MMP28: variants seen among roughly 807,000 people sequenced by gnomAD.
MMP28 encodes matrix metallopeptidase 28.
Under a neutral mutation model 60.5 loss-of-function variants are expected in MMP28, and 55 were observed. That is an observed-to-expected ratio of 0.91 (90% CI 0.73 to 1.14). MMP28 has a LOEUF of 1.14. Ranked by LOEUF, MMP28 falls within the 50% of genes most tolerant of loss-of-function variation. MMP28 has a pLI of 0.00. For missense variants in MMP28, 686 were observed against 738.3 expected (o/e 0.93, Z 0.82); for synonymous variants, 318 against 312.5 (o/e 1.02, Z -0.18).
chr17:35,756,832 A>C (rs1555600581), intron 2 of MMP28, among the ~76,000 whole-genome samples: 1 of 152,088 alleles, frequency 6.6e-6, no homozygotes. Flanking sequence ...GAGGACTCAG[A>C]ATAAGTCATA....
At chr17:35,790,949 C>G (rs1207595303) in intron 1 of MMP28, among the ~76,000 whole-genome samples, 3 of 151,134 alleles carry the variant, frequency 2.0e-5, no homozygotes, top group African/African-American at 7.3e-5. Context: ...AGGCTGCTCT[C>G]AAACTCCTCG....
Position 35,779,327 on chromosome 17 carries a change from CG to C in MMP28, c.112-5del. 1 of 1,609,898 alleles carries C rather than the reference CG, an allele frequency of 6.2e-7. No individual in the cohort carries two copies. Among genetic ancestry groups the C allele is most frequent in the Non-Finnish European group, 8.5e-7 (1 of 1,177,966 alleles). On this transcript the variant is annotated splice_region_variant and splice_polypyrimidine_tract_variant and intron_variant, in intron 1 of 7. Coordinates refer to ENST00000605424, the MANE Select transcript of MMP28 (RefSeq NM_024302.5). ...ATCCGTACTTCTCTAGGAATGCCTG[CG>C]GGAGAGAGGAATATCTGCTTTTTCC...
chr17:35,760,889 C>G (rs1227302619), downstream of MMP28: 4 of 1,610,630 alleles, frequency 2.5e-6, no homozygotes, highest in African/African-American at 5.3e-5. Context: ...TTCTGGGCAC[C>G]CTCTCACATC....
chr17:35,761,602 T>C (rs2085822627), downstream of MMP28, among the ~76,000 whole-genome samples: 1 of 151,988 alleles, frequency 6.6e-6, no homozygotes, highest in East Asian at 1.9e-4. Context: ...AACATCTGCT[T>C]CATCATCTCC....
Position 35,795,295 on chromosome 17 carries a change from C to G in MMP28, c.83G>C (p.Gly28Ala), listed in dbSNP as rs1488963679. 1.4e-6 allele frequency: 2 copies of G among 1,464,192 alleles called. No individual in the cohort carries two copies. Among genetic ancestry groups the G allele is most frequent in the African/African-American group, 2.9e-5 (2 of 68,288 alleles). 90.7% of individuals were successfully genotyped at this position (1,464,192 alleles called of 1,614,324 possible). Residue 28 changes from glycine to alanine, a missense_variant, in exon 1 of 8, where the codon GGA becomes GCA. Transcript: ENST00000605424. Reference protein sequence around the residue: ...GHLDAQPAERGGQELRKEAEA... With the variant: ...GHLDAQPAERAGQELRKEAEA... ...CGCCTCCTTGCGCAGCTCCTGGCCTCCGCGCTCCGCGGGCTGGGCGTCCAG... is the reference window on the plus strand; with the variant it reads ...CGCCTCCTTGCGCAGCTCCTGGCCTGCGCGCTCCGCGGGCTGGGCGTCCAG...
chr17:35,791,738 A>G (rs1428340483), intron 1 of MMP28, among the ~76,000 whole-genome samples: 1 of 152,160 alleles, frequency 6.6e-6, no homozygotes, highest in African/African-American at 2.4e-5. Context: ...CCAGACTGCC[A>G]ATATCTTCCA....
In MMP28 at chr17:35,770,049, C is replaced by A; in HGVS notation, c.850+18G>T. On this transcript the variant is annotated intron_variant, in intron 5 of 7. Transcript: ENST00000605424. ...GGCAGGAGTGGGACCAAGAGCGGGG[C>A]ATGTCCCGGGGCCTCACCATACAGG... is the stretch of plus-strand genomic sequence containing the variant. The A allele has an allele frequency of 1.3e-6, 2 of 1,530,882 alleles. No individual in the cohort carries two copies. The highest frequency in any genetic ancestry group is 1.3e-5 in the South Asian group (1 of 78,200). 94.8% of individuals were successfully genotyped at this position (1,530,882 alleles called of 1,614,324 possible).
At chr17:35,794,040 G>A (rs1489754184) in intron 1 of MMP28, among the ~76,000 whole-genome samples, 1 of 151,856 alleles carries the variant, frequency 6.6e-6, no homozygotes, top group African/African-American at 2.4e-5. Flanking sequence ...AGAGGCTGCA[G>A]TGAGCCGAGA....
At position 35,773,321 on chromosome 17, in the gene MMP28, C is replaced by A; in HGVS notation, c.463G>T (p.Val155Leu). ...HLPEPAVRGAVRAAFQLWSNV... is the reference protein window; with the variant it reads ...HLPEPAVRGALRAAFQLWSNV... ...CTCCACAACTGGAAGGCGGCGCGCA[C>A]GGCGCCCCGAACTGCCGGCTCCGGC... The change falls in exon 4 of 8, where the codon GTG becomes TTG. Residue 155 changes from valine (V) to leucine (L), a missense_variant. Transcript: ENST00000605424. 2 of 1,613,242 alleles carry A rather than the reference C, an allele frequency of 1.2e-6. No homozygotes were observed. The highest frequency in any genetic ancestry group is 1.7e-6 in the Non-Finnish European group (2 of 1,179,652).
intron 2 of MMP28, among the ~76,000 whole-genome samples, chr17:35,758,811 C>T (rs1204741712): frequency 6.6e-6 from 1 of 152,108 alleles, no homozygotes; most frequent in Non-Finnish European, 1.5e-5. Context: ...CCCAAAACAG[C>T]CTTGGGAAGA....
intron 3 of MMP28, among the ~76,000 whole-genome samples, chr17:35,775,095 G>A (rs1017896698): frequency 2.0e-5 from 3 of 152,314 alleles, no homozygotes; most frequent in South Asian, 2.1e-4. Flanking sequence ...CAGTGAAGGT[G>A]ACAGGTCTCA....
chr17:35,791,713 T>A (rs1044015709), intron 1 of MMP28, among the ~76,000 whole-genome samples: 1 of 152,160 alleles, frequency 6.6e-6, no homozygotes, highest in Non-Finnish European at 1.5e-5. Context: ...AAGAGTTTTT[T>A]CCATTTTGGC....
At chr17:35,782,669 T>G (rs891217214) in intron 1 of MMP28, among the ~76,000 whole-genome samples, 2 of 152,224 alleles carry the variant, frequency 1.3e-5, no homozygotes, top group African/African-American at 4.8e-5. Context: ...ACACTATTTT[T>G]GGATGCATAA....
intron 1 of MMP28, among the ~76,000 whole-genome samples, chr17:35,791,528 GTTA>G (rs1371507182): frequency 6.6e-6 from 1 of 152,116 alleles, no homozygotes; most frequent in African/African-American, 2.4e-5. Context: ...AATTTATGAT[GTTA>G]TTATTTTGCT....
chr17:35,765,250 G>A (rs190829236), downstream of MMP28, among the ~76,000 whole-genome samples: 501 of 152,284 alleles, frequency 3.3e-3, 4 homozygotes, highest in African/African-American at 0.011. Context: ...GAAAATGAAC[G>A]GGCAGGGCCA....
chr17:35,775,336 G>T (rs189405966), intron 3 of MMP28, among the ~76,000 whole-genome samples: 151 of 152,318 alleles, frequency 9.9e-4, no homozygotes, highest in African/African-American at 3.3e-3. Flanking sequence ...AAAGCTAGCC[G>T]CTTCAGGCCC....
At chr17:35,757,257 G>A (rs2085750446) in intron 2 of MMP28, 1 of 152,094 alleles carries the variant, frequency 6.6e-6, no homozygotes, top group African/African-American at 2.4e-5. Context: ...TTGATCAAAG[G>A]TACCAATTAC....
downstream of MMP28, among the ~76,000 whole-genome samples, chr17:35,763,094 C>G (rs587700171): frequency 2.8e-3 from 416 of 149,930 alleles, 1 homozygote; most frequent in South Asian, 0.012. Flanking sequence ...TGCACTCCAG[C>G]CTGGGCGACA....
downstream of MMP28, chr17:35,764,532 A>C (rs2085896612): frequency 6.3e-7 from 1 of 1,599,096 alleles, no homozygotes; most frequent in Non-Finnish European, 8.5e-7. Context: ...GAAATGCAGG[A>C]GTCTGCACAG....
Sources: gnomAD v4.1 joint callset for allele counts (sites outside exome capture counted in the v4.1 genomes callset) on GRCh38, gnomAD v4.1.1 for gene constraint, MANE v1.5 for transcripts, NCBI Gene and HGNC (gene_info 2026-07-23, HGNC 2026-07-21) for gene names.